USP36: variants seen among roughly 807,000 people sequenced by gnomAD.
The protein encoded by USP36 is ubiquitin specific peptidase 36, also known as ubiquitin carboxyl-terminal hydrolase 36.
A neutral mutation model predicts 111.5 loss-of-function variants in USP36; 59 were observed. The observed-to-expected ratio is 0.53, with a 90% confidence interval of 0.43 to 0.66. The LOEUF (loss-of-function observed/expected upper bound fraction) is 0.66. Ranked by LOEUF, USP36 falls within the 30% of genes least tolerant of loss-of-function variation. USP36 has a pLI of 0.00. For synonymous variants in USP36, 628 were observed against 581.0 expected (o/e 1.08, Z -1.16); for missense variants, 1,488 against 1,468.0 (o/e 1.01, Z -0.22).
chr17:78,794,001 T>TGGCTACTA (rs2093603713), downstream of USP36, among the ~76,000 whole-genome samples: 1 of 152,192 alleles, frequency 6.6e-6, no homozygotes, highest in Admixed American at 6.5e-5. Flanking sequence ...CTTGCTTCCC[T>TGGCTACTA]GGCTACTACT....
intron 20 of USP36, 104 bp from the exon 21 acceptor site, chr17:78,797,983 T>C (rs1376941414): frequency 5.9e-6 from 1 of 169,064 alleles, no homozygotes; most frequent in Non-Finnish European, 1.3e-5. Flanking sequence ...ATGCATGGCA[T>C]CTCGATGCGG....
intron 13 of USP36, among the ~76,000 whole-genome samples, chr17:78,811,886 A>G (rs367873011): frequency 6.6e-6 from 1 of 151,476 alleles, no homozygotes; most frequent in African/African-American, 2.4e-5. Flanking sequence ...AAAAAAAAGG[A>G]TATTTTTTCC....
At chr17:78,787,615 GCTCTGGAGGCTTCCA>G (rs1421869365) in exon 4 of USP36, 1 of 152,232 alleles carries the variant, frequency 6.6e-6, no homozygotes, top group Non-Finnish European at 1.5e-5. Context: ...AAAGCCCCAA[GCTCTGGAGGCTTCCA>G]CTCTCGTGAA....
Position 78,807,167 on chromosome 17 carries a change from G to A in USP36, c.1877C>T (p.Ala626Val), listed in dbSNP as rs548197375. The change falls in exon 14 of 21, where the codon GCC becomes GTC. Residue 626 changes from alanine to valine, a missense_variant. Ala to Val is a moderately conservative substitution (Grantham distance 64, BLOSUM62 0). Transcript: ENST00000449938. The stretch of plus-strand genomic sequence containing the variant: ...CGCTCCACTCCTGGGGGTCTGGGGG[G>A]CCTTGGTGGAGTCGCTGCTGGCCGA... ...EHSASSDSTK[A>V]PQTPRSGAAH... The A allele has an allele frequency of 2.3e-5, 37 of 1,614,194 alleles. No homozygotes were observed. Among genetic ancestry groups the A allele is most frequent in the East Asian group, 4.5e-5 (2 of 44,872 alleles).
At chr17:78,806,083 T>A in intron 15 of USP36, 73 bp downstream of exon 15, 1 of 1,604,640 alleles carries the variant, frequency 6.2e-7, no homozygotes, top group South Asian at 1.1e-5. Flanking sequence ...TTCGTCCAAC[T>A]CCTCACCAGC....
At chr17:78,813,735 G>C in intron 12 of USP36, 38 bp downstream of exon 12, 1 of 1,580,612 alleles carries the variant, frequency 6.3e-7, no homozygotes, top group Non-Finnish European at 8.7e-7. Flanking sequence ...AAAGAGCAGA[G>C]GGAGTGAGCT....
chr17:78,821,740 C>T (rs762995545), intron 7 of USP36, among the ~76,000 whole-genome samples, 197 bp downstream of exon 7: 14 of 151,888 alleles, frequency 9.2e-5, no homozygotes, highest in Non-Finnish European at 2.1e-4. Flanking sequence ...ACCCAGCCCT[C>T]GTGGGAATAT....
rs1188122300 is a variant in USP36, at chr17:78,807,107, G to C, written c.1937C>G (p.Ser646Cys). The C allele has an allele frequency of 6.2e-7, 1 of 1,614,100 alleles. No homozygotes were observed. Among genetic ancestry groups the C allele is most frequent in the African/African-American group, 1.3e-5 (1 of 74,938 alleles). The change falls in exon 14 of 21, where the codon TCC becomes TGC. Residue 646 changes from serine to cysteine, a missense_variant. Ser to Cys is a moderately radical substitution (Grantham distance 112). Around this residue, in one of 3 missense-constraint regions of USP36, gnomAD observed 1,073 missense variants for 994.1 expected, o/e 1.08. Transcript: ENST00000449938. ...HLCDSQETNC[S>C]TAGHSKTPPS... ...CGGCGTTTTGGAGTGGCCAGCGGTGGAACAGTTCGTTTCCTGAGAATCGCA... is the reference window on the plus strand; with the variant it reads ...CGGCGTTTTGGAGTGGCCAGCGGTGCAACAGTTCGTTTCCTGAGAATCGCA...
intron 2 of USP36, among the ~76,000 whole-genome samples, chr17:78,838,313 AGTGAGCCGAGATCGC>A (rs2068872272): frequency 6.9e-6 from 1 of 145,698 alleles, no homozygotes; most frequent in Non-Finnish European, 1.5e-5. Flanking sequence ...CAGAGGTTGG[AGTGAGCCGAGATCGC>A]GCCACTGCAC....
intron 13 of USP36, among the ~76,000 whole-genome samples, chr17:78,808,887 C>T (rs1169586292): frequency 6.6e-6 from 1 of 152,060 alleles, no homozygotes; most frequent in African/African-American, 2.4e-5. Flanking sequence ...TTTTCCTGTA[C>T]TTAGTACTCC....
At chr17:78,806,580 C>G (rs942153476) in intron 14 of USP36, among the ~76,000 whole-genome samples, 1 of 152,220 alleles carries the variant, frequency 6.6e-6, no homozygotes, top group African/African-American at 2.4e-5. Flanking sequence ...GCAGAGGTGC[C>G]GGGCACCCCA....
chr17:78,819,741 A>G (rs536182666), intron 9 of USP36, among the ~76,000 whole-genome samples, 189 bp downstream of exon 9: 4 of 152,384 alleles, frequency 2.6e-5, no homozygotes, highest in African/African-American at 7.2e-5. Context: ...AACTGTAGCT[A>G]TAAAAATCAT....
At chr17:78,834,226 AAC>A (rs1031097603) in intron 4 of USP36, among the ~76,000 whole-genome samples, 5 of 151,534 alleles carry the variant, frequency 3.3e-5, no homozygotes, top group South Asian at 2.1e-4. Flanking sequence ...CAGCCTAGGC[AAC>A]AGAGTCCGTC....
Position 78,810,491 on chromosome 17 carries a change from G to C in USP36, c.1407+2369C>G, listed in dbSNP as rs143395187. Among the ~76,000 whole-genome samples, 203 of 152,182 alleles carry C rather than the reference G, an allele frequency of 1.3e-3. 2 individuals are homozygous for C. The highest frequency in any genetic ancestry group is 4.7e-3 in the African/African-American group (197 of 41,514). On this transcript the variant is annotated intron_variant, in intron 13 of 20. Transcript: ENST00000449938. The stretch of plus-strand genomic sequence containing the variant: ...TTAGTAGAGACAGGGTTTTGCCCAG[G>C]TTGGTCTCGAACTCCTGGGATCCAC...
intron 5 of USP36, among the ~76,000 whole-genome samples, chr17:78,827,689 G>T (rs762018389): frequency 6.6e-6 from 1 of 151,966 alleles, no homozygotes; most frequent in Non-Finnish European, 1.5e-5. Flanking sequence ...GATCACTTGA[G>T]CCCAGGAGTT....
Position 78,798,788 on chromosome 17 carries a change from C to T in USP36, c.3240+120G>A. On this transcript the variant is annotated intron_variant, in intron 19 of 20. Transcript: ENST00000449938. The surrounding 1 kb of genome is among the most constrained non-coding windows in gnomAD (Gnocchi z 5.1). Reference sequence around the variant, plus strand: ...CACACGCCCGGACAGGCCTGGGCAGCCTGGCTCTTCTCATGCTCGGCCGCT... The same window carrying T: ...CACACGCCCGGACAGGCCTGGGCAGTCTGGCTCTTCTCATGCTCGGCCGCT... 1.5e-6 allele frequency: 2 copies of T among 1,332,434 alleles called. No homozygotes were observed. The highest frequency in any genetic ancestry group is 2.6e-5 in the South Asian group (2 of 77,794). 82.5% of individuals were successfully genotyped at this position (1,332,434 alleles called of 1,614,324 possible). A position where few individuals can be genotyped will look rare whatever the true frequency, so the allele number is the denominator to read the frequency against.
At chr17:78,819,219 CCTAAAGAAGA>C (rs1198565456) in intron 9 of USP36, 3 of 172,238 alleles carry the variant, frequency 1.7e-5, no homozygotes, top group African/African-American at 7.2e-5. Flanking sequence ...AGGAAACAGA[CCTAAAGAAGA>C]GTAAAGCAGA....
chr17:78,820,208 C>T (rs1343921183), intron 8 of USP36, among the ~76,000 whole-genome samples, 196 bp from the exon 9 acceptor site: 1 of 152,194 alleles, frequency 6.6e-6, no homozygotes, highest in Non-Finnish European at 1.5e-5. Flanking sequence ...GGAACAGCGG[C>T]TCACGCCTAT....
At chr17:78,809,807 G>A (rs1051201188) in intron 13 of USP36, among the ~76,000 whole-genome samples, 3 of 151,828 alleles carry the variant, frequency 2.0e-5, no homozygotes, top group African/African-American at 7.3e-5. Context: ...ACTTTTTTTG[G>A]AGATGGGGTT....
Sources: allele counts gnomAD v4.1 joint callset (sites outside exome capture counted in the v4.1 genomes callset), GRCh38; gene constraint gnomAD v4.1.1; regional missense constraint gnomAD v4.1.1; non-coding constraint Gnocchi (gnomAD v3.1); transcripts MANE v1.5; gene names NCBI Gene and HGNC (gene_info 2026-07-23, HGNC 2026-07-21).